The following TRERF1 variants were observed in gnomAD, a reference collection of about 807,000 sequenced individuals.
The protein encoded by TRERF1 is transcriptional regulating factor 1, also known as transcriptional-regulating factor 1.
TRERF1 carries 27 observed loss-of-function variants against 122.9 expected under a neutral mutation model. That is an observed-to-expected ratio of 0.22 (90% CI 0.16 to 0.30). The LOEUF is 0.30. Among genes scored for constraint, TRERF1 ranks in the 10% least tolerant of loss-of-function variants. The pLI is 1.00. For synonymous variants in TRERF1, 636 were observed against 641.7 expected, an observed-to-expected ratio of 0.99 and a Z score of 0.13; for missense variants, 1,248 against 1,560.3, an observed-to-expected ratio of 0.80 and a Z score of 3.37.
chr6:42,400,707 C>T (rs1192699126), intron 2 of TRERF1, among the ~76,000 whole-genome samples: 7 of 152,168 alleles, frequency 4.6e-5, no homozygotes, highest in East Asian at 1.9e-4. Flanking sequence ...CGAGGACTCA[C>T]GGAGAAGACA....
chr6:42,258,095 C>G, intron 10 of TRERF1, 40 bp downstream of exon 10: 3 of 1,551,154 alleles, frequency 1.9e-6, no homozygotes, highest in South Asian at 1.1e-5. Flanking sequence ...TCTCAAGAAG[C>G]TGAGGCTTCT....
At chr6:42,403,673 C>T (rs1044017331) in intron 2 of TRERF1, among the ~76,000 whole-genome samples, 29 of 152,226 alleles carry the variant, frequency 1.9e-4, no homozygotes, top group Admixed American at 9.2e-4. Flanking sequence ...TAAGACAAGG[C>T]AAGGTCCAGG....
chr6:42,324,257 CACAA>C (rs1437540862), intron 3 of TRERF1, among the ~76,000 whole-genome samples: 1 of 152,108 alleles, frequency 6.6e-6, no homozygotes, highest in Non-Finnish European at 1.5e-5. Flanking sequence ...TTATAGATGA[CACAA>C]ACAAATGAAA....
intron 2 of TRERF1, among the ~76,000 whole-genome samples, chr6:42,388,133 G>C (rs992221541): frequency 6.6e-6 from 1 of 152,084 alleles, no homozygotes; most frequent in African/African-American, 2.4e-5. Flanking sequence ...CGAGCTGCCT[G>C]GCTATCAGGG....
chr6:42,232,877 G>C lies in TRERF1; in HGVS notation c.3082C>G (p.Gln1028Glu). The change falls in exon 17 of 18, where the codon CAG (glutamine) becomes GAG (glutamate). Residue 1028 changes from glutamine to glutamate, a missense_variant. Gln to Glu is a conservative substitution (Grantham distance 29). This residue lies in a region of TRERF1 where 159 missense variants were observed against 221.7 expected (regional missense o/e 0.72). Transcript: ENST00000372922. This position sits in a 1 kb window ranked among gnomAD's most constrained non-coding sequence, Gnocchi z 4.5. ...ATGCGGGCATGGCCATTCAGTGCCTGTCGGGAGCTGAACACCTGGGGAAGA... is the reference window on the plus strand; with the variant it reads ...ATGCGGGCATGGCCATTCAGTGCCTCTCGGGAGCTGAACACCTGGGGAAGA... 6.2e-7 allele frequency: 1 copy of C among 1,603,832 alleles called. No individual in the cohort carries two copies. The highest frequency in any genetic ancestry group is 8.5e-7 in the Non-Finnish European group (1 of 1,174,488).
intron 3 of TRERF1, among the ~76,000 whole-genome samples, chr6:42,315,348 G>A (rs1443069956): frequency 6.6e-6 from 1 of 152,204 alleles, no homozygotes; most frequent in African/African-American, 2.4e-5. Context: ...CCCTGGTGCA[G>A]GGCCTCACAA....
intron 3 of TRERF1, among the ~76,000 whole-genome samples, chr6:42,336,202 G>A (rs1444723465): frequency 1.3e-5 from 2 of 152,140 alleles, no homozygotes; most frequent in Non-Finnish European, 2.9e-5. Context: ...GAGTGAATGC[G>A]GAATGAATGG....
intron 8 of TRERF1, among the ~76,000 whole-genome samples, chr6:42,262,612 A>AGAG (rs1169414320): frequency 1.7e-5 from 2 of 116,318 alleles, no homozygotes; most frequent in African/African-American, 3.4e-5. Context: ...AGACAGACGG[A>AGAG]AACCCTTCCC....
chr6:42,269,329 G>T lies in TRERF1; in HGVS notation c.262C>A (p.His88Asn). 6.2e-7 allele frequency: 1 copy of T among 1,614,152 alleles called. No homozygotes were observed. The highest frequency in any genetic ancestry group is 1.3e-5 in the African/African-American group (1 of 75,028). Residue 88 changes from histidine (H) to asparagine (N), a missense_variant, in exon 5 of 18, where the codon CAT becomes AAT. By Grantham distance (68) the His-to-Asn change is moderately conservative (BLOSUM62 1). Around this residue, in one of 5 missense-constraint regions of TRERF1, gnomAD observed 946 missense variants for 1,073.0 expected, o/e 0.88. Transcript: ENST00000372922. This position sits in a 1 kb window ranked among gnomAD's most constrained non-coding sequence, Gnocchi z 4.9. ...TGGACATGGTTTCCAGGCCCTGCAT[G>T]ACTTCCCCACCCTCCCTGCCTCGAG...
At position 42,228,526 on chromosome 6, in the gene TRERF1, GC is replaced by G; in HGVS notation, c.3421del (p.Ala1141ArgfsTer10). On this transcript the variant is annotated frameshift_variant, in exon 18 of 18. Transcript: ENST00000372922. LOFTEE classifies it high-confidence loss of function. The surrounding 1 kb of genome is among the most constrained non-coding windows in gnomAD (Gnocchi z 4.2). ...CTGGTCCAGGGGCAGCAGCCCCGGC[GC>G]CCCCACGGGCCCCGTAGTCCTCTCA... 1 of 1,614,088 alleles carries G rather than the reference GC, an allele frequency of 6.2e-7. No individual in the cohort carries two copies. The highest frequency in any genetic ancestry group is 1.6e-4 in the Middle Eastern group (1 of 6,062).
chr6:42,324,243 A>T (rs1252447529), intron 3 of TRERF1, among the ~76,000 whole-genome samples: 2 of 152,214 alleles, frequency 1.3e-5, no homozygotes, highest in Non-Finnish European at 2.9e-5. Flanking sequence ...ATTGCTGAAC[A>T]AAATTATAGA....
chr6:42,243,332 C>A (rs762018069), exon 15 of TRERF1: 1 of 1,614,188 alleles, frequency 6.2e-7, no homozygotes, highest in South Asian at 1.1e-5. Flanking sequence ...AGTAGTACTC[C>A]ACGCACTGAG....
At chr6:42,359,896 T>C (rs967362469) in intron 3 of TRERF1, among the ~76,000 whole-genome samples, 23 of 152,188 alleles carry the variant, frequency 1.5e-4, no homozygotes, top group Admixed American at 1.2e-3. Flanking sequence ...TTTTCAGTTG[T>C]ATGCTCCTTA....
chr6:42,300,429 A>C (rs1042236334), intron 4 of TRERF1, among the ~76,000 whole-genome samples: 1 of 152,174 alleles, frequency 6.6e-6, no homozygotes, highest in Non-Finnish European at 1.5e-5. Context: ...TAGACACTCA[A>C]CTCAGTCCTT....
intron 3 of TRERF1, among the ~76,000 whole-genome samples, chr6:42,353,798 T>C (rs1431986316): frequency 3.9e-5 from 6 of 152,216 alleles, no homozygotes; most frequent in Admixed American, 3.9e-4. Context: ...TCAAGTAGTA[T>C]AATTTCTTTA....
At chr6:42,418,036 A>T (rs1356745360) in intron 2 of TRERF1, among the ~76,000 whole-genome samples, 1 of 152,076 alleles carries the variant, frequency 6.6e-6, no homozygotes, top group Admixed American at 6.5e-5. Context: ...CATTGCCACA[A>T]ATCTCTAACC....
At chr6:42,353,275 A>G (rs958447479) in intron 3 of TRERF1, among the ~76,000 whole-genome samples, 3 of 152,120 alleles carry the variant, frequency 2.0e-5, no homozygotes, top group African/African-American at 4.8e-5. Context: ...AGTTGTTTGA[A>G]TAGGAAGATG....
intron 12 of TRERF1, among the ~76,000 whole-genome samples, chr6:42,255,819 T>C (rs947119520): frequency 9.9e-5 from 15 of 152,068 alleles, no homozygotes; most frequent in Admixed American, 4.6e-4. Context: ...AGGTTAGTGA[T>C]TGAGTGATCT....
chr6:42,335,699 A>G (rs1766026675), intron 3 of TRERF1, among the ~76,000 whole-genome samples: 1 of 152,036 alleles, frequency 6.6e-6, no homozygotes, highest in African/African-American at 2.4e-5. Flanking sequence ...CTCCTCTTCA[A>G]CTGTCCTGCC....
Sources: gnomAD v4.1 joint callset for allele counts (sites outside exome capture counted in the v4.1 genomes callset) on GRCh38, gnomAD v4.1.1 for gene constraint, gnomAD v4.1.1 regional missense constraint, Gnocchi (gnomAD v3.1) non-coding constraint, MANE v1.5 for transcripts, NCBI Gene and HGNC (gene_info 2026-07-23, HGNC 2026-07-21) for gene names.